The following SGCZ variants were observed in gnomAD, a reference collection of about 807,000 sequenced individuals.
SGCZ encodes the protein zeta-sarcoglycan.
SGCZ carries 40 observed loss-of-function variants against 41.3 expected under a neutral mutation model. That is an observed-to-expected ratio of 0.97 (90% CI 0.75 to 1.26). The LOEUF (loss-of-function observed/expected upper bound fraction) is 1.26. SGCZ is among the 50% of genes most tolerant of loss of function. The pLI, the probability that SGCZ is intolerant of heterozygous loss-of-function variation, is 0.00. For synonymous variants in SGCZ, 206 were observed against 137.5 expected, an observed-to-expected ratio of 1.50 and a Z score of -3.49; for missense variants, 552 against 369.8, an observed-to-expected ratio of 1.49 and a Z score of -4.04.
chr8:14,534,896 T>C (rs1444607236), intron 2 of SGCZ, among the ~76,000 whole-genome samples: 3 of 152,022 alleles, frequency 2.0e-5, no homozygotes, highest in Non-Finnish European at 4.4e-5. Context: ...GGAAAGAATG[T>C]AGTTTCTCAG....
chr8:14,225,734 G>A lies in SGCZ; in HGVS notation c.424+11858C>T, dbSNP rs116071852. Reference sequence around the variant, plus strand: ...AGATATAGGTGACATAAAAACAGACGAAGCCAACAGCAATGATGGCCACCT... The same window carrying A: ...AGATATAGGTGACATAAAAACAGACAAAGCCAACAGCAATGATGGCCACCT... On this transcript the variant is annotated intron_variant, in intron 4 of 7. Transcript: ENST00000382080. Among the ~76,000 whole-genome samples the A allele has an allele frequency of 2.3e-3, 351 of 152,054 alleles. 1 individual carries two copies. Among genetic ancestry groups the A allele is most frequent in the African/African-American group, 7.0e-3 (290 of 41,502 alleles).
At position 14,087,017 on chromosome 8, in the gene SGCZ, CA is replaced by C. The variant is rs1411695731; in HGVS notation, c.*3425del. ...AAGTAGGTAAGTTCACATGACTAGC[CA>C]GGGGCAGAACTAGAACTGGAATTGC... On this transcript the variant is annotated 3_prime_UTR_variant, in exon 8 of 8. Coordinates refer to ENST00000382080, the MANE Select transcript of SGCZ (RefSeq NM_139167.4). Among the ~76,000 whole-genome samples, 3 of 151,480 alleles carry C rather than the reference CA, an allele frequency of 2.0e-5. No homozygotes were observed. Among genetic ancestry groups the C allele is most frequent in the Non-Finnish European group, 4.4e-5 (3 of 67,696 alleles).
intron 2 of SGCZ, among the ~76,000 whole-genome samples, chr8:14,475,795 C>G (rs768417782): frequency 2.8e-4 from 42 of 152,026 alleles, no homozygotes; most frequent in Non-Finnish European, 4.9e-4. Flanking sequence ...TATATTAGTT[C>G]AAATAGTACA....
chr8:14,905,274 A>C, intron 1 of SGCZ, among the ~76,000 whole-genome samples: 1 of 152,088 alleles, frequency 6.6e-6, no homozygotes, highest in East Asian at 1.9e-4. Flanking sequence ...CAAAAGCTAT[A>C]AAGAATGAAC....
At chr8:15,072,269 C>T (rs1025942082) in intron 1 of SGCZ, among the ~76,000 whole-genome samples, 1 of 152,098 alleles carries the variant, frequency 6.6e-6, no homozygotes, top group Non-Finnish European at 1.5e-5. Flanking sequence ...TCATGCAGAA[C>T]TCACATCTTG....
intron 1 of SGCZ, among the ~76,000 whole-genome samples, chr8:14,616,601 C>T (rs1227046009): frequency 1.3e-5 from 2 of 152,074 alleles, no homozygotes; most frequent in Non-Finnish European, 2.9e-5. Flanking sequence ...TCCAGTTTCT[C>T]TTTATAAATA....
intron 1 of SGCZ, among the ~76,000 whole-genome samples, chr8:15,132,623 G>A (rs964080438): frequency 2.0e-5 from 3 of 152,128 alleles, no homozygotes; most frequent in African/African-American, 7.2e-5. Flanking sequence ...TTGTAACAGT[G>A]ACTTTCTCCA....
At chr8:14,963,882 C>T (rs1801046563) in intron 1 of SGCZ, among the ~76,000 whole-genome samples, 5 of 152,110 alleles carry the variant, frequency 3.3e-5, no homozygotes, top group African/African-American at 1.2e-4. Context: ...CTTTTCAGTG[C>T]TTTCTAAAAT....
chr8:14,355,630 G>A (rs1803267804), intron 2 of SGCZ, among the ~76,000 whole-genome samples: 1 of 151,748 alleles, frequency 6.6e-6, no homozygotes, highest in Non-Finnish European at 1.5e-5. Flanking sequence ...AAAGATCTTT[G>A]GAAAACACCA....
chr8:14,193,287 C>A (rs958767222), intron 4 of SGCZ, among the ~76,000 whole-genome samples: 1 of 151,674 alleles, frequency 6.6e-6, no homozygotes, highest in Non-Finnish European at 1.5e-5. Context: ...TTAGCAGAGG[C>A]AAGCACAAAT....
At chr8:15,008,110 C>G (rs1802672705) in intron 1 of SGCZ, among the ~76,000 whole-genome samples, 1 of 152,224 alleles carries the variant, frequency 6.6e-6, no homozygotes, top group East Asian at 1.9e-4. Context: ...GTCTTCTTAT[C>G]AAAATAATCT....
chr8:15,025,094 T>C (rs1437801574), intron 1 of SGCZ, among the ~76,000 whole-genome samples: 1 of 150,834 alleles, frequency 6.6e-6, no homozygotes, highest in Non-Finnish European at 1.5e-5. Flanking sequence ...AGAGACTCAT[T>C]TTAATGACTA....
chr8:14,157,901 G>T (rs997836984), intron 5 of SGCZ, among the ~76,000 whole-genome samples: 2 of 152,084 alleles, frequency 1.3e-5, no homozygotes, highest in Non-Finnish European at 2.9e-5. Flanking sequence ...CACATTACTG[G>T]CCAGGCACGG....
intron 1 of SGCZ, among the ~76,000 whole-genome samples, chr8:14,801,727 T>G (rs1486603083): frequency 6.6e-6 from 1 of 152,192 alleles, no homozygotes; most frequent in African/African-American, 2.4e-5. Context: ...CAAGATCATG[T>G]GGTCAACAAA....
chr8:14,826,938 A>G (rs538760699), intron 1 of SGCZ, among the ~76,000 whole-genome samples: 1 of 151,992 alleles, frequency 6.6e-6, no homozygotes, highest in East Asian at 1.9e-4. Context: ...CTTTAGTTTA[A>G]TTAGATCCCA....
rs979782728 is a variant in SGCZ, at chr8:14,842,580, G to C, written c.40-287654C>G. Among the ~76,000 whole-genome samples, 11 of 152,226 alleles carry C rather than the reference G, an allele frequency of 7.2e-5. No homozygotes were observed. In the East Asian group the frequency reaches 2.1e-3, roughly 29 times the overall value. ...GCAGGGACACACAGAACATAGGGCA[G>C]AGTTATTTGAGATGATGTAGAGTGC... On this transcript the variant is annotated intron_variant, in intron 1 of 7. Coordinates refer to ENST00000382080, the MANE Select transcript of SGCZ (RefSeq NM_139167.4).
chr8:15,066,041 G>T (rs1410663527), intron 1 of SGCZ, among the ~76,000 whole-genome samples: 2 of 152,254 alleles, frequency 1.3e-5, no homozygotes, highest in African/African-American at 4.8e-5. Flanking sequence ...GGGCGCGGTG[G>T]CTCACGCCTG....
At chr8:14,801,831 A>G (rs1335919978) in intron 1 of SGCZ, among the ~76,000 whole-genome samples, 6 of 131,324 alleles carry the variant, frequency 4.6e-5, no homozygotes, top group African/African-American at 7.4e-5. Flanking sequence ...TTAAAAATAT[A>G]CAAGAGGATG....
At chr8:14,293,275 A>G (rs1800901668) in intron 3 of SGCZ, among the ~76,000 whole-genome samples, 2 of 152,086 alleles carry the variant, frequency 1.3e-5, no homozygotes, top group African/African-American at 2.4e-5. Flanking sequence ...AATGTATTCA[A>G]CTTTTACTCA....
Sources: allele counts gnomAD v4.1 joint callset (sites outside exome capture counted in the v4.1 genomes callset), GRCh38; gene constraint gnomAD v4.1.1; transcripts MANE v1.5; gene names NCBI Gene and HGNC (gene_info 2026-07-23, HGNC 2026-07-21).